ARHGEF7: variants seen among roughly 807,000 people sequenced by gnomAD.
ARHGEF7 encodes the protein Rho guanine nucleotide exchange factor 7, also known as PAK-interacting exchange factor beta.
A neutral mutation model predicts 109.8 loss-of-function variants in ARHGEF7; 33 were observed. That is an observed-to-expected ratio of 0.30 (90% CI 0.23 to 0.40). The LOEUF is 0.40. Ranked by LOEUF, ARHGEF7 falls within the 10% of genes least tolerant of loss-of-function variation. The probability of loss-of-function intolerance (pLI) is 1.00; values close to 1 mark genes in which losing one functional copy is unlikely to be tolerated. For missense variants in ARHGEF7, 938 were observed against 1,098.5 expected, an observed-to-expected ratio of 0.85 and a Z score of 2.07; for synonymous variants, 458 against 424.6, an observed-to-expected ratio of 1.08 and a Z score of -0.97.
At chr13:111,221,533 C>CATATATCTATCTA (rs1566876374) in intron 5 of ARHGEF7, among the ~76,000 whole-genome samples, 4 of 33,818 alleles carry the variant, frequency 1.2e-4, no homozygotes, top group African/African-American at 1.9e-4. Context: ...CTATATATAT[C>CATATATCTATCTA]TATATATAGA....
Position 111,283,121 on chromosome 13 carries a change from G to A in ARHGEF7, c.1726-18G>A, listed in dbSNP as rs1271233502. The A allele has an allele frequency of 5.1e-6, 8 of 1,568,160 alleles. No homozygotes were observed. In the African/African-American group the frequency reaches 6.7e-5, roughly 13 times the overall value. The stretch of plus-strand genomic sequence containing the variant: ...GAGTCTCATGTTCTCTGCCCTTCCC[G>A]CTCTGTGCCCTTGGCAGCTCCCCTC... On this transcript the variant is annotated intron_variant, in intron 15 of 21. Transcript: ENST00000646102.
chr13:111,213,592 C>T (rs1320496678), intron 4 of ARHGEF7, among the ~76,000 whole-genome samples: 1 of 152,084 alleles, frequency 6.6e-6, no homozygotes, highest in Middle Eastern at 3.2e-3. Context: ...CAATGGGATT[C>T]TGTGGCATAT....
At chr13:111,195,848 C>G (rs1021525160) in intron 2 of ARHGEF7, among the ~76,000 whole-genome samples, 1 of 152,196 alleles carries the variant, frequency 6.6e-6, no homozygotes, top group African/African-American at 2.4e-5. Context: ...CAAGGTTTGT[C>G]TGTCTGAGGG....
rs997349800 is a variant in ARHGEF7, at chr13:111,255,846, T to C, written c.950+11552T>C. ...GGTCATGGTGCTTTCTTTTCAGTGCTGCGTTTCTCTTGGCTCTGTCGTTTG... is the reference window on the plus strand; with the variant it reads ...GGTCATGGTGCTTTCTTTTCAGTGCCGCGTTTCTCTTGGCTCTGTCGTTTG... On this transcript the variant is annotated intron_variant, in intron 8 of 21. Transcript: ENST00000646102. This position sits in a 1 kb window ranked among gnomAD's most constrained non-coding sequence, Gnocchi z 4.1. Among the ~76,000 whole-genome samples, 1 of 152,244 alleles carries C rather than the reference T, an allele frequency of 6.6e-6. No individual in the cohort carries two copies. Among genetic ancestry groups the C allele is most frequent in the Non-Finnish European group, 1.5e-5 (1 of 68,046 alleles).
Position 111,266,631 on chromosome 13 carries a change from C to T in ARHGEF7, c.951-917C>T, listed in dbSNP as rs768165965. Among the ~76,000 whole-genome samples the T allele has an allele frequency of 7.9e-5, 12 of 152,016 alleles. No homozygotes were observed. The highest frequency in any genetic ancestry group is 1.5e-4 in the Non-Finnish European group (10 of 67,996). On this transcript the variant is annotated intron_variant, in intron 8 of 21. Coordinates refer to ENST00000646102, the MANE Select transcript of ARHGEF7 (RefSeq NM_001354046.2). This position sits in a 1 kb window ranked among gnomAD's most constrained non-coding sequence, Gnocchi z 4.8. ...CTAAAAGCACTTTGGAAGTGCTGTC[C>T]GAGAGTTGGGACTGGTTGACTCTTG...
rs1281682476 is a variant in ARHGEF7 at position 111,221,393 on chromosome 13, CTATA to C, written c.670+3517_670+3520del. ...TATATATATCTATATATATAGATGTCTATATATCTATATATATAGATGTCTATAT... is the reference window on the plus strand; with the variant it reads ...TATATATATCTATATATATAGATGTCTATCTATATATATAGATGTCTATAT... On this transcript the variant is annotated intron_variant, in intron 5 of 21. Transcript: ENST00000646102. Among the ~76,000 whole-genome samples the C allele has an allele frequency of 3.7e-4, 2 of 5,464 alleles. 1 individual carries two copies. The highest frequency in any genetic ancestry group is 7.9e-4 in the African/African-American group (2 of 2,536). 3.6% of individuals were successfully genotyped at this position (5,464 alleles called of 152,430 possible).
rs2093617590 is a variant in ARHGEF7, at chr13:111,304,126, T to G, written c.*1013T>G. The G allele has an allele frequency of 6.6e-6, 1 of 152,256 alleles. No individual in the cohort carries two copies. Among genetic ancestry groups the G allele is most frequent in the Non-Finnish European group, 1.5e-5 (1 of 68,068 alleles). 9.4% of individuals were successfully genotyped at this position (152,256 alleles called of 1,614,324 possible). On this transcript the variant is annotated 3_prime_UTR_variant, in exon 22 of 22. Coordinates refer to ENST00000646102, the MANE Select transcript of ARHGEF7 (RefSeq NM_001354046.2). Reference sequence around the variant, plus strand: ...CACCATTGGCCGTAGCCAGCAGGCTTCAGTGCTCACCGAAAGTAAAATCCC... The same window carrying G: ...CACCATTGGCCGTAGCCAGCAGGCTGCAGTGCTCACCGAAAGTAAAATCCC...
intron 2 of ARHGEF7, among the ~76,000 whole-genome samples, chr13:111,167,495 G>C (rs542091732): frequency 6.6e-6 from 1 of 152,210 alleles, no homozygotes; most frequent in African/African-American, 2.4e-5. Context: ...GTTAATAACT[G>C]TCTAAGATGA....
At chr13:111,248,693 G>T (rs748830917) in intron 8 of ARHGEF7, among the ~76,000 whole-genome samples, 1 of 151,954 alleles carries the variant, frequency 6.6e-6, no homozygotes, top group Non-Finnish European at 1.5e-5. Context: ...AATTTGTTTC[G>T]CTTAAAAAAA....
chr13:111,136,545 A>G (rs1293400031), intron 1 of ARHGEF7, among the ~76,000 whole-genome samples: 1 of 152,240 alleles, frequency 6.6e-6, no homozygotes, highest in Non-Finnish European at 1.5e-5. Flanking sequence ...TTTGAAACCA[A>G]TGAGAACAAA....
rs985716477 is a variant in ARHGEF7, at chr13:111,159,113, T to C, written c.252+5122T>C. 20 of 717,650 alleles carry C rather than the reference T, an allele frequency of 2.8e-5. No individual in the cohort carries two copies. The African/African-American group carries it at 3.0e-4, about 11-fold the overall frequency. 44.5% of individuals were successfully genotyped at this position (717,650 alleles called of 1,614,324 possible). On this transcript the variant is annotated intron_variant, in intron 2 of 21. Transcript: ENST00000646102. ...CTGTGAGTTCAGCTTTTTTACACTT[T>C]ACATATAGGTGAGATCGTGCAGTAT...
At position 111,121,087 on chromosome 13, in the gene ARHGEF7, G is replaced by A. The variant is rs140662199; in HGVS notation, c.165+5396G>A. Among the ~76,000 whole-genome samples the A allele has an allele frequency of 5.3e-5, 8 of 152,264 alleles. No individual in the cohort carries two copies. In the East Asian group the frequency reaches 9.7e-4, roughly 18 times the overall value. ...ACTGGAGGGGCTGGCTCAGGTCACC[G>A]GCCACAGGGGCAGAGTGGGAGCCCT... On this transcript the variant is annotated intron_variant, in intron 1 of 21. Transcript: ENST00000646102.
intron 8 of ARHGEF7, among the ~76,000 whole-genome samples, chr13:111,252,366 C>T (rs2089890377): frequency 6.6e-5 from 10 of 152,088 alleles, no homozygotes; most frequent in Admixed American, 6.5e-4. Context: ...GAGAGCCTGC[C>T]TGTTGCATTT....
intron 1 of ARHGEF7, chr13:111,144,741 G>T (rs1253583745): frequency 6.6e-6 from 1 of 151,914 alleles, no homozygotes; most frequent in African/African-American, 2.4e-5. Context: ...CCAGCACGCT[G>T]GCAGCCCATC....
At chr13:111,292,059 T>C in intron 18 of ARHGEF7, 59 bp from the exon 19 acceptor site, 1 of 1,459,310 alleles carries the variant, frequency 6.9e-7, no homozygotes, top group Non-Finnish European at 9.5e-7. Context: ...TGGCTCTTCC[T>C]GTCGTTCTCC....
intron 13 of ARHGEF7, among the ~76,000 whole-genome samples, chr13:111,278,499 A>G (rs367837704): frequency 2.6e-5 from 4 of 152,188 alleles, no homozygotes; most frequent in African/African-American, 4.8e-5. Flanking sequence ...AGCAGACACT[A>G]TGCCCTCACA....
intron 2 of ARHGEF7, among the ~76,000 whole-genome samples, chr13:111,190,665 G>C (rs1041071245): frequency 1.3e-5 from 2 of 152,190 alleles, no homozygotes; most frequent in Non-Finnish European, 2.9e-5. Context: ...GCTCTGCGAT[G>C]ACAGACTTGA....
At chr13:111,128,999 G>C (rs974956433) in intron 1 of ARHGEF7, among the ~76,000 whole-genome samples, 6 of 152,182 alleles carry the variant, frequency 3.9e-5, no homozygotes, top group African/African-American at 1.2e-4. Flanking sequence ...TCAGCACAAC[G>C]TTGCAATAAA....
chr13:111,158,212 G>A (rs1349356963), intron 2 of ARHGEF7, among the ~76,000 whole-genome samples: 1 of 152,226 alleles, frequency 6.6e-6, no homozygotes, highest in Non-Finnish European at 1.5e-5. Flanking sequence ...TTGATGGATA[G>A]TTTGATATTA....
Sources: allele counts gnomAD v4.1 joint callset (sites outside exome capture counted in the v4.1 genomes callset), GRCh38; gene constraint gnomAD v4.1.1; non-coding constraint Gnocchi (gnomAD v3.1); transcripts MANE v1.5; gene names NCBI Gene and HGNC (gene_info 2026-07-23, HGNC 2026-07-21).